The following HCN1 variants were observed in gnomAD, a reference collection of about 807,000 sequenced individuals.
The protein encoded by HCN1 is potassium/sodium hyperpolarization-activated cyclic nucleotide-gated channel 1.
HCN1 carries 13 observed loss-of-function variants against 78.9 expected under a neutral mutation model. The ratio of observed to expected loss-of-function variants is 0.16; its 90% CI spans 0.11 to 0.26. The LOEUF (loss-of-function observed/expected upper bound fraction) is 0.26. Among genes scored for constraint, HCN1 ranks in the 10% least tolerant of loss-of-function variants. The pLI, the probability that HCN1 is intolerant of heterozygous loss-of-function variation, is 1.00. For missense variants in HCN1, 810 were observed against 1,154.3 expected (o/e 0.70, Z 4.32); for synonymous variants, 552 against 455.5 (o/e 1.21, Z -2.70).
intron 2 of HCN1, among the ~76,000 whole-genome samples, chr5:45,604,111 T>C (rs181826087): frequency 2.3e-3 from 356 of 152,228 alleles, no homozygotes; most frequent in African/African-American, 8.1e-3. Context: ...TTTTGAAATA[T>C]ACTTTCCAGA....
At chr5:45,301,305 G>T (rs1745613935) in intron 6 of HCN1, among the ~76,000 whole-genome samples, 1 of 133,886 alleles carries the variant, frequency 7.5e-6, no homozygotes, top group South Asian at 2.3e-4. Flanking sequence ...AATATACTTT[G>T]GTTGGGTTAA....
intron 4 of HCN1, among the ~76,000 whole-genome samples, chr5:45,391,392 T>A (rs1561137874): frequency 6.6e-6 from 1 of 152,160 alleles, no homozygotes; most frequent in Non-Finnish European, 1.5e-5. Context: ...ACCAAATTAG[T>A]AACTCAACTA....
intron 7 of HCN1, among the ~76,000 whole-genome samples, chr5:45,266,704 A>ATT (rs113257713): frequency 8.8e-5 from 12 of 136,638 alleles, no homozygotes; most frequent in South Asian, 2.4e-4. Flanking sequence ...GGCATGTGGG[A>ATT]TTTTTTTTTT....
intron 5 of HCN1, among the ~76,000 whole-genome samples, chr5:45,330,215 C>A (rs1216081769): frequency 6.6e-6 from 1 of 151,174 alleles, no homozygotes; most frequent in African/African-American, 2.4e-5. Flanking sequence ...GTTCCAAGAT[C>A]CAAACCATGA....
chr5:45,372,354 ATAT>A (rs1186288192), intron 4 of HCN1, among the ~76,000 whole-genome samples: 8 of 106,818 alleles, frequency 7.5e-5, no homozygotes, highest in East Asian at 5.1e-4. Context: ...TATATTTTAC[ATAT>A]TATATATAAA....
intron 2 of HCN1, among the ~76,000 whole-genome samples, chr5:45,547,089 T>A (rs1743246169): frequency 6.6e-6 from 1 of 152,002 alleles, no homozygotes. Context: ...ATGATTTTAC[T>A]AAAATATTCT....
intron 1 of HCN1, among the ~76,000 whole-genome samples, chr5:45,670,936 A>G (rs1281431184): frequency 6.6e-6 from 1 of 151,746 alleles, no homozygotes; most frequent in Non-Finnish European, 1.5e-5. Context: ...TTACTTTATT[A>G]TAGTTACTGA....
intron 4 of HCN1, among the ~76,000 whole-genome samples, chr5:45,372,951 A>G (rs1747452468): frequency 1.4e-5 from 2 of 141,718 alleles, no homozygotes; most frequent in Admixed American, 7.5e-5. Context: ...ATATATAAGT[A>G]TTTTATACAT....
chr5:45,299,669 AACC>A (rs1484104654), intron 6 of HCN1, among the ~76,000 whole-genome samples: 1 of 152,046 alleles, frequency 6.6e-6, no homozygotes, highest in African/African-American at 2.4e-5. Flanking sequence ...GTATTTTAAT[AACC>A]ACAAAATACA....
chr5:45,516,564 T>C (rs1388245549), intron 2 of HCN1, among the ~76,000 whole-genome samples: 2 of 151,968 alleles, frequency 1.3e-5, no homozygotes, highest in Non-Finnish European at 2.9e-5. Context: ...GCAAATTAGT[T>C]TGTGGTATTA....
chr5:45,473,730 C>G (rs1297315194), intron 2 of HCN1, among the ~76,000 whole-genome samples: 1 of 151,736 alleles, frequency 6.6e-6, no homozygotes, highest in Non-Finnish European at 1.5e-5. Flanking sequence ...GTATTCCTCT[C>G]AATCCTCTTT....
At chr5:45,324,449 G>T (rs1166076663) in intron 5 of HCN1, among the ~76,000 whole-genome samples, 1 of 151,960 alleles carries the variant, frequency 6.6e-6, no homozygotes, top group Non-Finnish European at 1.5e-5. Context: ...AAACCACAAT[G>T]AGATACCATC....
At chr5:45,491,063 A>T (rs916781993) in intron 2 of HCN1, among the ~76,000 whole-genome samples, 2 of 152,102 alleles carry the variant, frequency 1.3e-5, no homozygotes, top group African/African-American at 4.8e-5. Context: ...TTCTCTCCTT[A>T]AGTCACTAAG....
intron 2 of HCN1, among the ~76,000 whole-genome samples, chr5:45,544,044 T>C (rs974774281): frequency 2.6e-5 from 4 of 152,094 alleles, no homozygotes; most frequent in African/African-American, 4.8e-5. Flanking sequence ...TCAACTTCCA[T>C]TATTCCATGA....
intron 2 of HCN1, among the ~76,000 whole-genome samples, chr5:45,504,670 A>G (rs1450903296): frequency 5.9e-5 from 9 of 152,210 alleles, no homozygotes; most frequent in East Asian, 5.8e-4. Context: ...TTGAGGAATC[A>G]CCACACTGTC....
intron 3 of HCN1, among the ~76,000 whole-genome samples, chr5:45,439,352 C>A (rs1026175416): frequency 6.6e-6 from 1 of 151,824 alleles, no homozygotes; most frequent in Non-Finnish European, 1.5e-5. Flanking sequence ...ATGATGAAAA[C>A]AAATTTCACA....
chr5:45,369,786 T>C (rs1747315529), intron 4 of HCN1, among the ~76,000 whole-genome samples: 1 of 152,084 alleles, frequency 6.6e-6, no homozygotes, highest in South Asian at 2.1e-4. Context: ...GTGTGAACAT[T>C]ATTGACTTAA....
At chr5:45,371,372 T>A (rs1031426291) in intron 4 of HCN1, among the ~76,000 whole-genome samples, 4 of 151,794 alleles carry the variant, frequency 2.6e-5, no homozygotes, top group African/African-American at 7.3e-5. Flanking sequence ...CATAAGTCGA[T>A]AGACCACCAG....
intron 6 of HCN1, among the ~76,000 whole-genome samples, chr5:45,288,035 G>T (rs1438307743): frequency 6.6e-6 from 1 of 151,980 alleles, no homozygotes; most frequent in Non-Finnish European, 1.5e-5. Context: ...CAGGTTTGGA[G>T]ATATTCTTGG....
Sources: allele counts gnomAD v4.1 joint callset (sites outside exome capture counted in the v4.1 genomes callset), GRCh38; gene constraint gnomAD v4.1.1; transcripts MANE v1.5; gene names NCBI Gene and HGNC (gene_info 2026-07-23, HGNC 2026-07-21).